Variants in NME7 observed in about 807,000 individuals in gnomAD.
NME7 encodes NME/NM23 family member 7.
Under a neutral mutation model 49.1 loss-of-function variants are expected in NME7, and 41 were observed. The observed-to-expected ratio is 0.83, with a 90% CI of 0.65 to 1.08. The LOEUF is 1.08. Ranked by LOEUF, NME7 falls within the 50% of genes least tolerant of loss-of-function variation. NME7 has a pLI of 0.00. For missense variants in NME7, 423 were observed against 463.4 expected (o/e 0.91, Z 0.80); for synonymous variants, 139 against 150.6 (o/e 0.92, Z 0.56).
chr1:169,319,457 T>A (rs1318837138), intron 3 of NME7, among the ~76,000 whole-genome samples: 1 of 152,170 alleles, frequency 6.6e-6, no homozygotes, highest in Non-Finnish European at 1.5e-5. Context: ...GTGATTTAGT[T>A]CAAAAGGTTA....
chr1:169,337,324 C>G (rs1050893036), intron 1 of NME7, among the ~76,000 whole-genome samples: 28 of 152,196 alleles, frequency 1.8e-4, no homozygotes, highest in African/African-American at 6.8e-4. Flanking sequence ...GGCCCGGGTG[C>G]TAAGTCCCTC....
chr1:169,307,755 C>T (rs1218109085), intron 4 of NME7, among the ~76,000 whole-genome samples: 1 of 152,184 alleles, frequency 6.6e-6, no homozygotes, highest in Admixed American at 6.6e-5. Context: ...CGCGGTGGCT[C>T]ATGCCTGTAA....
chr1:169,367,140 G>A lies in NME7; in HGVS notation c.3+568C>T, dbSNP rs999054578. On this transcript the variant is annotated intron_variant, in intron 1 of 11. Transcript: ENST00000367811. ...CCAAGCAATCCCAGGAGAAATTTCT[G>A]TTTAAAAAAAAAAGAAGAAGAAAGA... Among the ~76,000 whole-genome samples, 4 of 108,840 alleles carry A rather than the reference G, an allele frequency of 3.7e-5. No homozygotes were observed. The Admixed American group carries it at 3.9e-4, about 11-fold the overall frequency. 71.4% of individuals were successfully genotyped at this position (108,840 alleles called of 152,430 possible).
At chr1:169,339,146 T>A (rs1652589297) in intron 1 of NME7, among the ~76,000 whole-genome samples, 1 of 152,098 alleles carries the variant, frequency 6.6e-6, no homozygotes, top group African/African-American at 2.4e-5. Flanking sequence ...ATGGCAAAAA[T>A]CCACTCTTCC....
intron 10 of NME7, among the ~76,000 whole-genome samples, chr1:169,187,613 C>T (rs1348137470): frequency 6.6e-6 from 1 of 152,076 alleles, no homozygotes; most frequent in African/African-American, 2.4e-5. Flanking sequence ...GTAAATATTC[C>T]TCCATCCCTT....
chr1:169,360,577 A>T (rs1254307637), intron 1 of NME7, among the ~76,000 whole-genome samples: 1 of 152,044 alleles, frequency 6.6e-6, no homozygotes, highest in African/African-American at 2.4e-5. Flanking sequence ...CTCATTCCCT[A>T]GGCCCCAGCC....
chr1:169,180,820 T>C (rs1185243717), intron 10 of NME7, among the ~76,000 whole-genome samples: 2 of 152,184 alleles, frequency 1.3e-5, no homozygotes, highest in African/African-American at 2.4e-5. Flanking sequence ...TAATTTATGC[T>C]AAATTTTCAA....
chr1:169,181,632 AT>A (rs1659935355), intron 10 of NME7, among the ~76,000 whole-genome samples: 2 of 152,170 alleles, frequency 1.3e-5, no homozygotes, highest in Admixed American at 1.3e-4. Flanking sequence ...CAAATAGACA[AT>A]TTTAATTACT....
intron 1 of NME7, among the ~76,000 whole-genome samples, chr1:169,340,507 T>C (rs1652647504): frequency 6.6e-6 from 1 of 152,218 alleles, no homozygotes; most frequent in Non-Finnish European, 1.5e-5. Context: ...GGGGTACTGC[T>C]ATAAAGATAA....
chr1:169,154,168 T>C (rs1226442605), intron 11 of NME7, among the ~76,000 whole-genome samples: 1 of 151,870 alleles, frequency 6.6e-6, no homozygotes, highest in Non-Finnish European at 1.5e-5. Context: ...TACATGCCAC[T>C]ACACCTGGCT....
At chr1:169,221,022 G>A (rs1571302287) in intron 10 of NME7, among the ~76,000 whole-genome samples, 1 of 152,250 alleles carries the variant, frequency 6.6e-6, no homozygotes, top group East Asian at 1.9e-4. Context: ...ATAGAGTAGA[G>A]AGAACTCTGT....
intron 10 of NME7, among the ~76,000 whole-genome samples, chr1:169,189,272 T>C (rs1660152434): frequency 6.6e-6 from 1 of 152,150 alleles, no homozygotes; most frequent in South Asian, 2.1e-4. Flanking sequence ...TATTATAGTG[T>C]TAGGTAACTA....
intron 7 of NME7, among the ~76,000 whole-genome samples, chr1:169,258,403 T>TACAC (rs1381228474): frequency 1.5e-5 from 1 of 68,668 alleles, no homozygotes; most frequent in African/African-American, 5.6e-5. Context: ...TATATATATA[T>TACAC]ATACACACAC....
chr1:169,248,478 T>C (rs1022689370), intron 7 of NME7, among the ~76,000 whole-genome samples: 1 of 152,116 alleles, frequency 6.6e-6, no homozygotes, highest in African/African-American at 2.4e-5. Context: ...GTTTCTTTTA[T>C]TTAATTAGGT....
intron 11 of NME7, among the ~76,000 whole-genome samples, chr1:169,155,593 A>C (rs1659044921): frequency 6.8e-6 from 1 of 147,858 alleles, no homozygotes; most frequent in Admixed American, 6.6e-5. Context: ...GAATTTATTC[A>C]GTTGAAGAGA....
intron 10 of NME7, among the ~76,000 whole-genome samples, chr1:169,205,610 G>A (rs1221032231): frequency 2.6e-5 from 4 of 152,172 alleles, no homozygotes; most frequent in African/African-American, 4.8e-5. Context: ...AATCTCAGGC[G>A]GCCTGGCTCT....
intron 10 of NME7, among the ~76,000 whole-genome samples, chr1:169,212,553 G>A (rs1660856481): frequency 6.7e-6 from 1 of 148,948 alleles, no homozygotes; most frequent in South Asian, 2.1e-4. Context: ...GACACTCTCT[G>A]CCTTCTTATT....
chr1:169,296,250 A>G (rs12093387), intron 6 of NME7, among the ~76,000 whole-genome samples: 3,890 of 152,240 alleles, frequency 0.026, 77 homozygotes, highest in Middle Eastern at 0.061. Context: ...CCACCTCCCC[A>G]TCAACATTCA....
At chr1:169,263,721 G>C (rs574983610) in intron 7 of NME7, among the ~76,000 whole-genome samples, 1 of 133,332 alleles carries the variant, frequency 7.5e-6, no homozygotes, top group South Asian at 2.3e-4. Flanking sequence ...CCTAGCTAGA[G>C]AGTCCAACAC....
Sources: gnomAD v4.1 joint callset for allele counts (sites outside exome capture counted in the v4.1 genomes callset) on GRCh38, gnomAD v4.1.1 for gene constraint, MANE v1.5 for transcripts, NCBI Gene and HGNC (gene_info 2026-07-23, HGNC 2026-07-21) for gene names.